Variants in SPTLC3 observed in about 807,000 individuals in gnomAD.
SPTLC3 encodes serine palmitoyltransferase 3.
Under a neutral mutation model 59.3 loss-of-function variants are expected in SPTLC3, and 36 were observed. The ratio of observed to expected loss-of-function variants is 0.61; its 90% confidence interval spans 0.47 to 0.80. The LOEUF is 0.80. Among genes scored for constraint, SPTLC3 ranks in the 30% least tolerant of loss-of-function variants. The pLI, the probability that SPTLC3 is intolerant of heterozygous loss-of-function variation, is 0.00. For missense variants in SPTLC3, 625 were observed against 685.1 expected (o/e 0.91, Z 0.98); for synonymous variants, 257 against 240.8 (o/e 1.07, Z -0.62).
chr20:13,154,439 C>T (rs905260389), intron 10 of SPTLC3, among the ~76,000 whole-genome samples: 1 of 152,202 alleles, frequency 6.6e-6, no homozygotes, highest in African/African-American at 2.4e-5. Flanking sequence ...GAGCCTCCTT[C>T]TGACCCAAGA....
intron 1 of SPTLC3, among the ~76,000 whole-genome samples, chr20:13,047,810 A>C (rs1044792538): frequency 2.0e-5 from 3 of 152,158 alleles, no homozygotes; most frequent in Admixed American, 6.5e-5. Flanking sequence ...AAATAATATC[A>C]TGAACACCTA....
chr20:13,132,261 C>T (rs2038137885), intron 9 of SPTLC3, among the ~76,000 whole-genome samples: 1 of 150,288 alleles, frequency 6.7e-6, no homozygotes. Flanking sequence ...ACTGCAACCT[C>T]CACCTCTCGG....
chr20:13,111,980 A>C (rs543776495), intron 7 of SPTLC3, among the ~76,000 whole-genome samples: 4 of 152,302 alleles, frequency 2.6e-5, no homozygotes, highest in African/African-American at 9.6e-5. Flanking sequence ...AGGACAAGGG[A>C]CCCAGGTGTG....
chr20:13,064,636 G>T lies in SPTLC3; in HGVS notation c.304-7620G>T, dbSNP rs527673078. The stretch of plus-strand genomic sequence containing the variant: ...TTTTAACTCAGTTATATGAAATGTT[G>T]ACCTATTTTCCTATTATTTGGGTAA... On this transcript the variant is annotated intron_variant, in intron 2 of 11. Transcript: ENST00000399002. Among the ~76,000 whole-genome samples, 13 of 152,226 alleles carry T rather than the reference G, an allele frequency of 8.5e-5. No homozygotes were observed. The South Asian group carries it at 1.7e-3, about 19-fold the overall frequency.
intron 6 of SPTLC3, among the ~76,000 whole-genome samples, chr20:13,106,456 G>A (rs984777472): frequency 1.3e-5 from 2 of 152,232 alleles, no homozygotes; most frequent in South Asian, 2.1e-4. Context: ...TATTATTGAC[G>A]AGAAGAGTTT....
At chr20:13,074,168 C>T (rs1988553927) in intron 3 of SPTLC3, 181 bp from the exon 4 acceptor site, 1 of 839,514 alleles carries the variant, frequency 1.2e-6, no homozygotes. Context: ...AAACCAACCT[C>T]TAGGACAGAC....
At chr20:13,076,829 G>A (rs1988664099) in intron 4 of SPTLC3, among the ~76,000 whole-genome samples, 1 of 152,162 alleles carries the variant, frequency 6.6e-6, no homozygotes, top group Admixed American at 6.5e-5. Flanking sequence ...TCAAAAGGGA[G>A]GTCATGTCAG....
chr20:13,090,649 T>G (rs565058171), intron 4 of SPTLC3, among the ~76,000 whole-genome samples: 1 of 152,306 alleles, frequency 6.6e-6, no homozygotes, highest in South Asian at 2.1e-4. Context: ...AATAGAACAT[T>G]CAGAGAATCT....
At chr20:13,055,237 G>C (rs1199588751) in intron 2 of SPTLC3, among the ~76,000 whole-genome samples, 1 of 151,946 alleles carries the variant, frequency 6.6e-6, no homozygotes, top group African/African-American at 2.4e-5. Flanking sequence ...GGACATAAAG[G>C]TTCTTGAGTT....
chr20:13,031,820 A>C (rs986727441), intron 1 of SPTLC3, among the ~76,000 whole-genome samples: 1 of 152,174 alleles, frequency 6.6e-6, no homozygotes, highest in Non-Finnish European at 1.5e-5. Context: ...CCAGTTTGTC[A>C]TGTCTTAAAG....
intron 4 of SPTLC3, among the ~76,000 whole-genome samples, chr20:13,083,878 C>T (rs1988922851): frequency 6.6e-6 from 1 of 152,166 alleles, no homozygotes; most frequent in African/African-American, 2.4e-5. Flanking sequence ...TGTTTAAATA[C>T]AAGCCCTGTG....
chr20:13,160,904 T>G (rs370109080), intron 11 of SPTLC3, among the ~76,000 whole-genome samples: 5 of 152,328 alleles, frequency 3.3e-5, no homozygotes, highest in East Asian at 1.9e-4. Context: ...AGGTGGCTTT[T>G]GAGCCAGGCC....
intron 7 of SPTLC3, among the ~76,000 whole-genome samples, chr20:13,115,343 G>A (rs1037931132): frequency 6.6e-6 from 1 of 152,130 alleles, no homozygotes; most frequent in Non-Finnish European, 1.5e-5. Flanking sequence ...AAAGTCAGCA[G>A]TATTGTAGAG....
Position 13,132,171 on chromosome 20 carries a change from ATT to A in SPTLC3, c.1279+5476_1279+5477del, listed in dbSNP as rs35718222. On this transcript the variant is annotated intron_variant, in intron 9 of 11. Transcript: ENST00000399002. ...CTCTAATTCTCCTCACCTTGCTTTAATTTTTTTTTTTTTTTTTTTTTTTGACA... is the reference window on the plus strand; with the variant it reads ...CTCTAATTCTCCTCACCTTGCTTTAATTTTTTTTTTTTTTTTTTTTTGACA... 7.3e-3 allele frequency among the ~76,000 whole-genome samples: 760 copies of A among 103,950 alleles called. 5 individuals are homozygous for A. The highest frequency in any genetic ancestry group is 0.02 in the African/African-American group (538 of 26,396). The allele number at this position is 103,950 out of a possible 152,430, so 68.2% of individuals were successfully genotyped here.
In SPTLC3 at chr20:13,074,329, A is replaced by G. The variant is rs1181635722; in HGVS notation, c.459-20A>G. On this transcript the variant is annotated intron_variant, in intron 3 of 11. Transcript: ENST00000399002. ...ATCCTGGGGAGGGGATTATGTGCTCATTTACATGTTTCCCCACAGGTTTAC... is the reference window on the plus strand; with the variant it reads ...ATCCTGGGGAGGGGATTATGTGCTCGTTTACATGTTTCCCCACAGGTTTAC... 1 of 1,612,700 alleles carries G rather than the reference A, an allele frequency of 6.2e-7. No individual in the cohort carries two copies. The highest frequency in any genetic ancestry group is 2.2e-5 in the East Asian group (1 of 44,772).
rs571836702 is a variant in SPTLC3 at position 13,057,975 on chromosome 20, C to T, written c.303+8845C>T. Among the ~76,000 whole-genome samples the T allele has an allele frequency of 1.1e-4, 17 of 152,280 alleles. No individual in the cohort carries two copies. In the South Asian group the frequency reaches 3.5e-3, roughly 32 times the overall value. On this transcript the variant is annotated intron_variant, in intron 2 of 11. Coordinates refer to ENST00000399002, the MANE Select transcript of SPTLC3 (RefSeq NM_018327.4). ...CTACAGGTCCGCATTTCTCAAGTCG[C>T]TATGGTCCCAATATCAAACAAGTTC... is the stretch of plus-strand genomic sequence containing the variant.
At chr20:13,141,444 C>T (rs919908520) in intron 9 of SPTLC3, among the ~76,000 whole-genome samples, 2 of 152,190 alleles carry the variant, frequency 1.3e-5, no homozygotes, top group African/African-American at 4.8e-5. Flanking sequence ...CAGTGTCTAC[C>T]TTGGAAGAGT....
In SPTLC3 at chr20:13,166,257, T is replaced by A. The variant is rs1273168194; in HGVS notation, c.*1390T>A. The A allele has an allele frequency of 6.6e-6, 1 of 152,650 alleles. No individual in the cohort carries two copies. The highest frequency in any genetic ancestry group is 6.5e-5 in the Admixed American group (1 of 15,272). The allele number at this position is 152,650 out of a possible 1,614,324, so 9.5% of individuals were successfully genotyped here. On this transcript the variant is annotated 3_prime_UTR_variant, in exon 12 of 12. Coordinates refer to ENST00000399002, the MANE Select transcript of SPTLC3 (RefSeq NM_018327.4). The stretch of plus-strand genomic sequence containing the variant: ...CAGATGGACCCAAGCTTTCATGCTG[T>A]GCACTGAGATAGAAACTCCACCCGC...
At chr20:13,017,310 C>T (rs1317472523) in intron 1 of SPTLC3, among the ~76,000 whole-genome samples, 1 of 152,188 alleles carries the variant, frequency 6.6e-6, no homozygotes, top group Admixed American at 6.5e-5. Flanking sequence ...CACCTCCATG[C>T]CTCACTTTGA....
Sources: allele counts gnomAD v4.1 joint callset (sites outside exome capture counted in the v4.1 genomes callset), GRCh38; gene constraint gnomAD v4.1.1; transcripts MANE v1.5; gene names NCBI Gene and HGNC (gene_info 2026-07-23, HGNC 2026-07-21).